Variants in EIF4EBP2 observed in about 807,000 individuals in gnomAD.
EIF4EBP2 encodes eukaryotic translation initiation factor 4E binding protein 2.
Under a neutral mutation model 10.3 loss-of-function variants are expected in EIF4EBP2, and 5 were observed. That is an observed-to-expected ratio of 0.48 (90% CI 0.25 to 1.02). The LOEUF (loss-of-function observed/expected upper bound fraction) is 1.02. Ranked by LOEUF, EIF4EBP2 falls within the 50% of genes least tolerant of loss-of-function variation. The probability of loss-of-function intolerance (pLI) is 0.15; values close to 1 mark genes in which losing one functional copy is unlikely to be tolerated. For missense variants in EIF4EBP2, 188 were observed against 162.2 expected, an observed-to-expected ratio of 1.16 and a Z score of -0.86; for synonymous variants, 67 against 61.1, an observed-to-expected ratio of 1.10 and a Z score of -0.45.
In EIF4EBP2 at chr10:70,423,111, T is replaced by A. The variant is rs547659347; in HGVS notation, c.*1364T>A. 1 of 152,750 alleles carries A rather than the reference T, an allele frequency of 6.5e-6. No homozygotes were observed. Among genetic ancestry groups the A allele is most frequent in the East Asian group, 1.9e-4 (1 of 5,186 alleles). 9.5% of individuals were successfully genotyped at this position (152,750 alleles called of 1,614,324 possible). On this transcript the variant is annotated 3_prime_UTR_variant, in exon 3 of 3. Transcript: ENST00000373218. The stretch of plus-strand genomic sequence containing the variant: ...TCTTATCTGAGAAGTGACCTTTTAT[T>A]TTTAAGATGACTACAGACCTATTTT...
Position 70,404,304 on chromosome 10 carries a change from A to G in EIF4EBP2, c.-98A>G, listed in dbSNP as rs547238069. ...GGGAGGAAGCGAGCGAGGAGCGCGC[A>G]GAGCGCGCTTTTCCGTCCGCCTGAG... On this transcript the variant is annotated 5_prime_UTR_variant, in exon 1 of 3. Transcript: ENST00000373218. 38 of 1,373,038 alleles carry G rather than the reference A, an allele frequency of 2.8e-5. No individual in the cohort carries two copies. The East Asian group carries it at 1.1e-3, about 39-fold the overall frequency. The allele number at this position is 1,373,038 out of a possible 1,614,324, so 85.1% of individuals were successfully genotyped here.
rs1844978557 is a variant in EIF4EBP2 at position 70,407,348 on chromosome 10, T to C, written c.145+2802T>C. On this transcript the variant is annotated intron_variant, in intron 1 of 2. Coordinates refer to ENST00000373218, the MANE Select transcript of EIF4EBP2 (RefSeq NM_004096.5). The stretch of plus-strand genomic sequence containing the variant: ...AGCACGCTGCCTTCAAGCATCTGTT[T>C]AACAAAGCACATCTTGCACCACCCT... 2.0e-5 allele frequency among the ~76,000 whole-genome samples: 3 copies of C among 152,008 alleles called. No homozygotes were observed. The South Asian group carries it at 6.2e-4, about 32-fold the overall frequency.
intron 1 of EIF4EBP2, among the ~76,000 whole-genome samples, chr10:70,407,613 C>A (rs1844985284): frequency 6.6e-6 from 1 of 152,066 alleles, no homozygotes; most frequent in African/African-American, 2.4e-5. Flanking sequence ...ATGGCCCGTT[C>A]TCAATGAGCT....
At chr10:70,408,729 A>G (rs1293284510) in intron 1 of EIF4EBP2, among the ~76,000 whole-genome samples, 1 of 152,212 alleles carries the variant, frequency 6.6e-6, no homozygotes. Flanking sequence ...AAAAGGGGAC[A>G]ACAGACAAAA....
At chr10:70,405,937 T>G (rs1270015686) in intron 1 of EIF4EBP2, among the ~76,000 whole-genome samples, 1 of 152,172 alleles carries the variant, frequency 6.6e-6, no homozygotes, top group Admixed American at 6.5e-5. Context: ...CTTAGGTGGC[T>G]TAACTCATGG....
chr10:70,420,609 T>C (rs1845145457), intron 2 of EIF4EBP2, among the ~76,000 whole-genome samples: 1 of 152,186 alleles, frequency 6.6e-6, no homozygotes, highest in Non-Finnish European at 1.5e-5. Context: ...ATCATAAATC[T>C]GATGTAGTTG....
chr10:70,421,188 C>G (rs976973414), intron 2 of EIF4EBP2, among the ~76,000 whole-genome samples: 1 of 152,148 alleles, frequency 6.6e-6, no homozygotes, highest in Non-Finnish European at 1.5e-5. Flanking sequence ...TTAAGGTTTA[C>G]CTAAATTACC....
chr10:70,415,222 A>C (rs538340192), intron 1 of EIF4EBP2, among the ~76,000 whole-genome samples: 1 of 152,262 alleles, frequency 6.6e-6, no homozygotes, highest in African/African-American at 2.4e-5. Flanking sequence ...AAACAATTTG[A>C]TAGGAATAAC....
intron 2 of EIF4EBP2, among the ~76,000 whole-genome samples, chr10:70,420,768 C>G (rs536482633): frequency 1.5e-4 from 23 of 152,238 alleles, no homozygotes; most frequent in Admixed American, 1.3e-3. Flanking sequence ...TTTCCATCAC[C>G]CTCAGGCAAA....
chr10:70,418,433 G>A (rs920242374), intron 1 of EIF4EBP2, among the ~76,000 whole-genome samples: 2 of 152,178 alleles, frequency 1.3e-5, no homozygotes, highest in African/African-American at 4.8e-5. Context: ...AGGGCACTGT[G>A]GGGGAGGGGT....
rs1375675685 is a variant in EIF4EBP2 at position 70,407,165 on chromosome 10, G to A, written c.145+2619G>A. Among the ~76,000 whole-genome samples the A allele has an allele frequency of 4.6e-5, 7 of 151,454 alleles. No homozygotes were observed. In the South Asian group the frequency reaches 1.5e-3, roughly 32 times the overall value. ...CATTCTTGGGTGTTTCTCGCAGAGG[G>A]GGATTTGGCAGGGTCACAGGACAAT... On this transcript the variant is annotated intron_variant, in intron 1 of 2. Coordinates refer to ENST00000373218, the MANE Select transcript of EIF4EBP2 (RefSeq NM_004096.5).
chr10:70,420,356 C>T (rs577478275), intron 2 of EIF4EBP2, among the ~76,000 whole-genome samples: 2 of 152,214 alleles, frequency 1.3e-5, no homozygotes, highest in South Asian at 2.1e-4. Context: ...CCTGCCACCA[C>T]GCCTGGCAAA....
rs562884543 is a variant in EIF4EBP2, at chr10:70,407,593, C to T, written c.145+3047C>T. Among the ~76,000 whole-genome samples the T allele has an allele frequency of 2.6e-5, 4 of 152,196 alleles. No individual in the cohort carries two copies. In the South Asian group the frequency reaches 8.3e-4, roughly 32 times the overall value. ...CCCCCTTTCTATTCCACAAAACCGCCGTTGTCATCATGGCCCGTTCTCAAT... is the reference window on the plus strand; with the variant it reads ...CCCCCTTTCTATTCCACAAAACCGCTGTTGTCATCATGGCCCGTTCTCAAT... On this transcript the variant is annotated intron_variant, in intron 1 of 2. Transcript: ENST00000373218.
chr10:70,411,808 AGTT>A (rs1845049174), intron 1 of EIF4EBP2, among the ~76,000 whole-genome samples: 1 of 152,166 alleles, frequency 6.6e-6, no homozygotes, highest in African/African-American at 2.4e-5. Context: ...ATGAGGATTT[AGTT>A]GTTATATACA....
In EIF4EBP2 at chr10:70,404,502, A is replaced by G. The variant is rs950994897; in HGVS notation, c.101A>G (p.Tyr34Cys). Residue 34 changes from tyrosine (Y) to cysteine (C), a missense_variant, in exon 1 of 3, where the codon TAT becomes TGT. By Grantham distance (194) the Tyr-to-Cys change is radical. Transcript: ENST00000373218. ...ISDAAQLPHD[Y>C]CTTPGGTLFS... ...GACGCCGCGCAGCTACCTCATGACTATTGCACCACGCCCGGGGGGACGCTC... is the reference window on the plus strand; with the variant it reads ...GACGCCGCGCAGCTACCTCATGACTGTTGCACCACGCCCGGGGGGACGCTC... The G allele has an allele frequency of 4.4e-6, 7 of 1,594,888 alleles. No homozygotes were observed. The highest frequency in any genetic ancestry group is 4.2e-5 in the African/African-American group (3 of 71,814).
At chr10:70,410,313 G>T (rs987801970) in intron 1 of EIF4EBP2, among the ~76,000 whole-genome samples, 1 of 152,056 alleles carries the variant, frequency 6.6e-6, no homozygotes, top group Non-Finnish European at 1.5e-5. Context: ...CAAGTGATCC[G>T]CCCACCTCGG....
At position 70,425,738 on chromosome 10, in the gene EIF4EBP2, C is replaced by T. The variant is rs185696010; in HGVS notation, c.*3991C>T. The T allele has an allele frequency of 4.6e-5, 7 of 152,328 alleles. No individual in the cohort carries two copies. The highest frequency in any genetic ancestry group is 1.7e-4 in the African/African-American group (7 of 41,566). The allele number at this position is 152,328 out of a possible 1,614,324, so 9.4% of individuals were successfully genotyped here. ...TGTAGCTAGGAGTTAGCAAAAGGAA[C>T]TGGGGCCTTCCAGCCGAGCCACTAA... On this transcript the variant is annotated 3_prime_UTR_variant, in exon 3 of 3. Transcript: ENST00000373218.
At chr10:70,412,713 C>T (rs1056169725) in intron 1 of EIF4EBP2, among the ~76,000 whole-genome samples, 1 of 152,026 alleles carries the variant, frequency 6.6e-6, no homozygotes, top group Non-Finnish European at 1.5e-5. Context: ...GTTTTTCCCC[C>T]CTCTCTGTCA....
At chr10:70,406,467 C>G (rs1189276529) in intron 1 of EIF4EBP2, among the ~76,000 whole-genome samples, 1 of 152,192 alleles carries the variant, frequency 6.6e-6, no homozygotes, top group Non-Finnish European at 1.5e-5. Flanking sequence ...AAGTTCAGAA[C>G]ACGTCATAGT....
Sources: gnomAD v4.1 joint callset for allele counts (sites outside exome capture counted in the v4.1 genomes callset) on GRCh38, gnomAD v4.1.1 for gene constraint, MANE v1.5 for transcripts, NCBI Gene and HGNC (gene_info 2026-07-23, HGNC 2026-07-21) for gene names.